Variants in MAML3 observed in about 807,000 individuals in gnomAD.
MAML3 encodes mastermind like transcriptional coactivator 3.
A neutral mutation model predicts 101.9 loss-of-function variants in MAML3; 27 were observed. The observed-to-expected ratio is 0.27, with a 90% CI of 0.20 to 0.37. MAML3 has a LOEUF of 0.37. MAML3 is among the 10% of genes least tolerant of loss of function. The pLI is 1.00. For missense variants in MAML3, 1,316 were observed against 1,444.9 expected (o/e 0.91, Z 1.45); for synonymous variants, 501 against 555.9 (o/e 0.90, Z 1.39).
At chr4:140,031,716 T>C (rs1343026008) in intron 1 of MAML3, among the ~76,000 whole-genome samples, 1 of 152,190 alleles carries the variant, frequency 6.6e-6, no homozygotes, top group Non-Finnish European at 1.5e-5. Context: ...TTTCATAGGG[T>C]TAGTCATCAT....
At chr4:140,012,363 G>C (rs980018966) in intron 1 of MAML3, among the ~76,000 whole-genome samples, 2 of 152,178 alleles carry the variant, frequency 1.3e-5, no homozygotes, top group Admixed American at 6.5e-5. Flanking sequence ...AGGTCAACGA[G>C]ACTCAAGATC....
intron 2 of MAML3, among the ~76,000 whole-genome samples, chr4:139,800,664 T>A (rs959465766): frequency 3.9e-5 from 6 of 152,202 alleles, no homozygotes; most frequent in Admixed American, 1.3e-4. Flanking sequence ...CAGAAAGGCC[T>A]CCGATTTGTT....
chr4:139,894,392 C>G (rs943975637), intron 1 of MAML3, among the ~76,000 whole-genome samples: 1 of 152,054 alleles, frequency 6.6e-6, no homozygotes, highest in Non-Finnish European at 1.5e-5. Context: ...CCTGTATAGT[C>G]CCAGCTACTC....
intron 1 of MAML3, among the ~76,000 whole-genome samples, chr4:140,151,732 C>T (rs572245924): frequency 1.3e-5 from 2 of 152,268 alleles, no homozygotes; most frequent in South Asian, 4.1e-4. Context: ...TCCGGCCTCC[C>T]CTCACCCAGA....
At chr4:139,816,536 GGA>G (rs1730895487) in intron 2 of MAML3, among the ~76,000 whole-genome samples, 1 of 152,070 alleles carries the variant, frequency 6.6e-6, no homozygotes, top group Admixed American at 6.5e-5. Context: ...GGTGGGGGAG[GGA>G]GAGAGGAAAG....
At chr4:140,031,091 G>A (rs1052597784) in intron 1 of MAML3, among the ~76,000 whole-genome samples, 8 of 152,038 alleles carry the variant, frequency 5.3e-5, no homozygotes, top group East Asian at 3.8e-4. Flanking sequence ...CCTGTCCTCC[G>A]ATATTGCCAC....
intron 3 of MAML3, among the ~76,000 whole-genome samples, chr4:139,728,101 G>C (rs112585489): frequency 0.061 from 9,323 of 152,208 alleles, 398 homozygotes; most frequent in East Asian, 0.097. Flanking sequence ...TGTGGTCCCA[G>C]CTATTCTGGA....
At chr4:139,816,344 T>C (rs1312924914) in intron 2 of MAML3, among the ~76,000 whole-genome samples, 1 of 152,084 alleles carries the variant, frequency 6.6e-6, no homozygotes, top group Non-Finnish European at 1.5e-5. Context: ...TGGGCTGAAA[T>C]CGATGAGCAG....
intron 1 of MAML3, among the ~76,000 whole-genome samples, chr4:140,006,358 G>A (rs1404833144): frequency 2.0e-5 from 3 of 151,914 alleles, no homozygotes; most frequent in South Asian, 2.1e-4. Context: ...GGCCAAGAGG[G>A]GTGGATCACT....
chr4:140,082,531 C>G (rs1727875182), intron 1 of MAML3, among the ~76,000 whole-genome samples: 1 of 152,124 alleles, frequency 6.6e-6, no homozygotes, highest in Non-Finnish European at 1.5e-5. Flanking sequence ...TGGAGCTCTG[C>G]CCACAGTAGT....
intron 1 of MAML3, among the ~76,000 whole-genome samples, chr4:139,953,795 C>A (rs1460669666): frequency 1.3e-5 from 2 of 152,164 alleles, no homozygotes; most frequent in African/African-American, 4.8e-5. Context: ...GGAGGGGTAG[C>A]AGTAGCTGCT....
chr4:139,866,044 C>T (rs754564735), intron 2 of MAML3, among the ~76,000 whole-genome samples: 1 of 152,224 alleles, frequency 6.6e-6, no homozygotes, highest in Non-Finnish European at 1.5e-5. Context: ...ATGTAGGAAG[C>T]TCCTGAGGTA....
intron 1 of MAML3, among the ~76,000 whole-genome samples, chr4:139,948,172 C>T (rs189570092): frequency 1.2e-3 from 185 of 151,544 alleles, no homozygotes; most frequent in Middle Eastern, 3.4e-3. Context: ...AAAAGTCAAA[C>T]GTGGAAATAT....
chr4:140,004,886 T>C (rs1332747957), intron 1 of MAML3, among the ~76,000 whole-genome samples: 7 of 152,130 alleles, frequency 4.6e-5, no homozygotes, highest in Admixed American at 3.9e-4. Context: ...CCTATCATCA[T>C]ATTCCCCAGA....
chr4:139,961,295 G>C (rs1340231040), intron 1 of MAML3, among the ~76,000 whole-genome samples: 1 of 152,182 alleles, frequency 6.6e-6, no homozygotes, highest in Non-Finnish European at 1.5e-5. Flanking sequence ...GAACTCCTTC[G>C]AGGAATTCAA....
intron 1 of MAML3, among the ~76,000 whole-genome samples, chr4:139,944,467 A>G (rs1188556990): frequency 1.3e-5 from 2 of 152,114 alleles, no homozygotes; most frequent in Admixed American, 1.3e-4. Context: ...ACTGAGAATG[A>G]TGATTTCCAA....
At chr4:140,135,406 C>T (rs141816066) in intron 1 of MAML3, among the ~76,000 whole-genome samples, 3 of 152,338 alleles carry the variant, frequency 2.0e-5, no homozygotes, top group African/African-American at 7.2e-5. Flanking sequence ...AATGAATTAA[C>T]GCATTTAATA....
intron 3 of MAML3, among the ~76,000 whole-genome samples, chr4:139,726,113 T>C (rs1459241475): frequency 6.6e-6 from 1 of 152,198 alleles, no homozygotes; most frequent in Admixed American, 6.5e-5. Flanking sequence ...CCTTGACCCA[T>C]GGGCATCACT....
At chr4:140,130,150 CCA>C (rs1728767091) in intron 1 of MAML3, among the ~76,000 whole-genome samples, 3 of 152,064 alleles carry the variant, frequency 2.0e-5, no homozygotes, top group African/African-American at 7.2e-5. Flanking sequence ...CAAACTTAAA[CCA>C]AATAGGTACT....
Sources: gnomAD v4.1 joint callset for allele counts (sites outside exome capture counted in the v4.1 genomes callset) on GRCh38, gnomAD v4.1.1 for gene constraint, MANE v1.5 for transcripts, NCBI Gene and HGNC (gene_info 2026-07-23, HGNC 2026-07-21) for gene names.